BNIP3L: variants seen among roughly 807,000 people sequenced by gnomAD.
BNIP3L encodes BCL2 interacting protein 3 like.
A neutral mutation model predicts 25.5 loss-of-function variants in BNIP3L; 10 were observed. That is an observed-to-expected ratio of 0.39 (90% CI 0.24 to 0.67). BNIP3L has a LOEUF of 0.67. Ranked by LOEUF, BNIP3L falls within the 30% of genes least tolerant of loss-of-function variation. The pLI is 0.45. For synonymous variants in BNIP3L, 113 were observed against 101.2 expected (o/e 1.12, Z -0.70); for missense variants, 215 against 270.9 (o/e 0.79, Z 1.45).
intron 1 of BNIP3L, among the ~76,000 whole-genome samples, chr8:26,386,948 A>G (rs1190866291): frequency 1.3e-5 from 2 of 152,166 alleles, no homozygotes; most frequent in Admixed American, 6.5e-5. Context: ...TCTGGATTTC[A>G]GCATCAGGTT....
chr8:26,396,807 G>A lies in BNIP3L; in HGVS notation c.357+1505G>A, dbSNP rs1313420569. Among the ~76,000 whole-genome samples the A allele has an allele frequency of 9.4e-4, 127 of 135,038 alleles. 1 individual carries two copies. Among genetic ancestry groups the A allele is most frequent in the Non-Finnish European group, 1.5e-3 (95 of 63,352 alleles). The allele number at this position is 135,038 out of a possible 152,430, so 88.6% of individuals were successfully genotyped here. On this transcript the variant is annotated intron_variant, in intron 3 of 5. Transcript: ENST00000380629. ...CTGATGGAGCTGAAAACCAAGGCTC[G>A]AGAACTACGTGAAGAATGCAGAAGC... is the stretch of plus-strand genomic sequence containing the variant.
At position 26,410,515 on chromosome 8, in the gene BNIP3L, C is replaced by T; in HGVS notation, c.*103C>T. 1 of 1,341,166 alleles carries T rather than the reference C, an allele frequency of 7.5e-7. No individual in the cohort carries two copies. The highest frequency in any genetic ancestry group is 1.1e-6 in the Non-Finnish European group (1 of 939,520). 83.1% of individuals were successfully genotyped at this position (1,341,166 alleles called of 1,614,324 possible). ...CCATTGTAAGCATGACCCAACCTAC[C>T]ACCCTGTTTTTACATATCCAATTCC... On this transcript the variant is annotated 3_prime_UTR_variant, in exon 6 of 6. Transcript: ENST00000380629.
At position 26,403,020 on chromosome 8, in the gene BNIP3L, G is replaced by C. The variant is rs190963839; in HGVS notation, c.358-4980G>C. Reference sequence around the variant, plus strand: ...ATTCCAAAGGAATTTTTGAAATTCAGGAAAGAAAATGTCAGGTTTTTGGCC... The same window carrying C: ...ATTCCAAAGGAATTTTTGAAATTCACGAAAGAAAATGTCAGGTTTTTGGCC... On this transcript the variant is annotated intron_variant, in intron 3 of 5. Coordinates refer to ENST00000380629, the MANE Select transcript of BNIP3L (RefSeq NM_004331.3). Among the ~76,000 whole-genome samples the C allele has an allele frequency of 2.6e-5, 4 of 152,314 alleles. No individual in the cohort carries two copies. The East Asian group carries it at 7.7e-4, about 29-fold the overall frequency.
At chr8:26,383,991 G>A (rs1287315639) in intron 1 of BNIP3L, among the ~76,000 whole-genome samples, 1 of 151,960 alleles carries the variant, frequency 6.6e-6, no homozygotes, top group African/African-American at 2.4e-5. Flanking sequence ...GGAGTCTGGG[G>A]CCATGCATTT....
Position 26,383,074 on chromosome 8 carries a change from C to T in BNIP3L, c.-57C>T, listed in dbSNP as rs1805888824. 4.1e-6 allele frequency: 6 copies of T among 1,470,512 alleles called. No individual in the cohort carries two copies. Among genetic ancestry groups the T allele is most frequent in the Non-Finnish European group, 5.5e-6 (6 of 1,081,578 alleles). 91.1% of individuals were successfully genotyped at this position (1,470,512 alleles called of 1,614,324 possible). On this transcript the variant is annotated 5_prime_UTR_variant, in exon 1 of 6. Transcript: ENST00000380629. Reference sequence around the variant, plus strand: ...GCGGCGGACTCGGCTTGTTGTGTTGCTGCCTGAGTGCCGGAGACGGTCCTG... The same window carrying T: ...GCGGCGGACTCGGCTTGTTGTGTTGTTGCCTGAGTGCCGGAGACGGTCCTG...
At chr8:26,403,641 A>G (rs948784306) in intron 3 of BNIP3L, among the ~76,000 whole-genome samples, 2 of 151,756 alleles carry the variant, frequency 1.3e-5, no homozygotes, top group African/African-American at 2.4e-5. Context: ...GGCTCAAGCA[A>G]TCTTTCTGCC....
chr8:26,392,213 A>G (rs1274902255), intron 2 of BNIP3L, among the ~76,000 whole-genome samples: 1 of 147,284 alleles, frequency 6.8e-6, no homozygotes, highest in Non-Finnish European at 1.5e-5. Flanking sequence ...ATTAAATGAC[A>G]TTTAAGAAAT....
intron 2 of BNIP3L, 36 bp downstream of exon 2, chr8:26,391,462 A>G (rs1341927253): frequency 6.7e-7 from 1 of 1,485,314 alleles, no homozygotes; most frequent in Non-Finnish European, 9.0e-7. Flanking sequence ...AATTCAGGAA[A>G]CAGGTGGGTT....
intron 3 of BNIP3L, among the ~76,000 whole-genome samples, chr8:26,404,612 G>T (rs1034738597): frequency 6.6e-6 from 1 of 152,122 alleles, no homozygotes; most frequent in African/African-American, 2.4e-5. Context: ...TTTCCAGGTG[G>T]TTCTGCTGCC....
intron 3 of BNIP3L, among the ~76,000 whole-genome samples, chr8:26,399,745 A>G (rs1806326399): frequency 1.4e-5 from 1 of 70,220 alleles, no homozygotes. Flanking sequence ...TCAATGTACA[A>G]AAATCACAAG....
intron 1 of BNIP3L, among the ~76,000 whole-genome samples, chr8:26,388,529 G>A (rs998793669): frequency 6.6e-6 from 1 of 152,162 alleles, no homozygotes; most frequent in African/African-American, 2.4e-5. Flanking sequence ...ATGATTCAGG[G>A]TGTGGAGGCC....
chr8:26,388,880 C>G (rs1008963310), intron 1 of BNIP3L, among the ~76,000 whole-genome samples: 11 of 150,890 alleles, frequency 7.3e-5, no homozygotes, highest in Non-Finnish European at 1.3e-4. Flanking sequence ...GTCCCAGCTT[C>G]TTGGGAGGCT....
intron 1 of BNIP3L, among the ~76,000 whole-genome samples, chr8:26,383,937 A>C (rs1805922357): frequency 6.6e-6 from 1 of 151,648 alleles, no homozygotes; most frequent in African/African-American, 2.4e-5. Context: ...CGCCCAGTAA[A>C]GCTGAGAGCA....
Position 26,391,265 on chromosome 8 carries a change from G to C in BNIP3L, c.123G>C (p.Met41Ile). ...CAGGTTCCTGGGTGGAGCTACCCAT[G>C]AACAGCAGCAATGGCAATGATAATG... The part of the protein sequence containing the change: ...GLNSSWVELP[M>I]NSSNGNDNGN... Residue 41 changes from methionine (M) to isoleucine (I), a missense_variant, in exon 2 of 6, where the codon ATG (methionine) becomes ATC (isoleucine). Transcript: ENST00000380629. The C allele has an allele frequency of 6.2e-7, 1 of 1,609,840 alleles. No individual in the cohort carries two copies. Among genetic ancestry groups the C allele is most frequent in the Non-Finnish European group, 8.5e-7 (1 of 1,178,042 alleles).
At chr8:26,384,523 T>C (rs1418103761) in intron 1 of BNIP3L, among the ~76,000 whole-genome samples, 1 of 152,242 alleles carries the variant, frequency 6.6e-6, no homozygotes, top group Non-Finnish European at 1.5e-5. Flanking sequence ...CACATATTCC[T>C]ATGCAATTTT....
At chr8:26,410,217 T>C in intron 5 of BNIP3L, 147 bp from the exon 6 acceptor site, 2 of 803,812 alleles carry the variant, frequency 2.5e-6, no homozygotes, top group African/African-American at 1.7e-5. Context: ...AAGTCAGTGA[T>C]GATTTCACGG....
intron 2 of BNIP3L, among the ~76,000 whole-genome samples, chr8:26,393,031 T>C (rs559571192): frequency 6.6e-6 from 1 of 152,010 alleles, no homozygotes; most frequent in Non-Finnish European, 1.5e-5. Context: ...TTGAACACTT[T>C]CGTACCCCTC....
intron 3 of BNIP3L, among the ~76,000 whole-genome samples, chr8:26,406,012 C>T (rs779718549): frequency 1.7e-4 from 26 of 152,202 alleles, no homozygotes; most frequent in Non-Finnish European, 3.5e-4. Context: ...CACTGCACTC[C>T]AGCCTGGGTG....
chr8:26,409,019 C>T (rs947503868), intron 5 of BNIP3L, among the ~76,000 whole-genome samples: 2 of 151,774 alleles, frequency 1.3e-5, no homozygotes, highest in Middle Eastern at 3.4e-3. Context: ...TAATCTTTAG[C>T]ATGTACATTT....
Sources: allele counts gnomAD v4.1 joint callset (sites outside exome capture counted in the v4.1 genomes callset), GRCh38; gene constraint gnomAD v4.1.1; transcripts MANE v1.5; gene names NCBI Gene and HGNC (gene_info 2026-07-23, HGNC 2026-07-21).